GSE1: variants seen among roughly 807,000 people sequenced by gnomAD.
The protein encoded by GSE1 is Gse1 coiled-coil protein.
In GSE1, 32 loss-of-function variants were observed where a neutral mutation model predicts 112.6. The observed-to-expected ratio is 0.28, with a 90% CI of 0.21 to 0.38. GSE1 has a LOEUF of 0.38. Ranked by LOEUF, GSE1 falls within the 10% of genes least tolerant of loss-of-function variation. The pLI is 1.00. For missense variants in GSE1, 2,348 were observed against 1,699.2 expected (o/e 1.38, Z -6.71); for synonymous variants, 1,115 against 735.6 (o/e 1.52, Z -8.35).
chr16:85,186,076 A>T (rs1567596862), intron 1 of GSE1, among the ~76,000 whole-genome samples: 1 of 152,166 alleles, frequency 6.6e-6, no homozygotes, highest in Admixed American at 6.5e-5. Flanking sequence ...CACCACTGAT[A>T]CTGTTCTATG....
intron 1 of GSE1, among the ~76,000 whole-genome samples, chr16:85,601,570 C>T (rs1016997947): frequency 2.6e-5 from 4 of 152,128 alleles, no homozygotes; most frequent in East Asian, 3.9e-4. Flanking sequence ...ACCTTCAGCG[C>T]GGGGCCGGCA....
At chr16:85,334,372 TG>T (rs1222590021) in intron 1 of GSE1, among the ~76,000 whole-genome samples, 2 of 152,296 alleles carry the variant, frequency 1.3e-5, no homozygotes, top group South Asian at 2.1e-4. Context: ...AGGGCCTGCA[TG>T]GGGGAGCTGC....
chr16:85,173,430 T>C (rs2074398204), intron 1 of GSE1, among the ~76,000 whole-genome samples: 1 of 152,226 alleles, frequency 6.6e-6, no homozygotes, highest in Non-Finnish European at 1.5e-5. Context: ...TTCAATGGAT[T>C]GGGGGAAATG....
chr16:85,442,326 G>T (rs1239765442), intron 2 of GSE1, among the ~76,000 whole-genome samples: 1 of 152,126 alleles, frequency 6.6e-6, no homozygotes, highest in Admixed American at 6.6e-5. Context: ...TACCGTCCTG[G>T]CCCCATCTCA....
At chr16:85,443,981 G>A (rs902876948) in intron 2 of GSE1, among the ~76,000 whole-genome samples, 9 of 66,890 alleles carry the variant, frequency 1.3e-4, no homozygotes, top group Non-Finnish European at 2.0e-4. Flanking sequence ...ACAAGGGGGC[G>A]CTTTTTTTTT....
At chr16:85,414,793 CCTGA>C (rs1407278494) in intron 2 of GSE1, among the ~76,000 whole-genome samples, 4 of 152,108 alleles carry the variant, frequency 2.6e-5, no homozygotes, top group Non-Finnish European at 5.9e-5. Context: ...TGCCACCATG[CCTGA>C]CTAATTTTTT....
intron 1 of GSE1, among the ~76,000 whole-genome samples, chr16:85,209,425 G>C (rs1005586039): frequency 4.6e-5 from 7 of 152,122 alleles, no homozygotes; most frequent in Admixed American, 2.6e-4. Context: ...GCATGCAGAG[G>C]AACCTGCCGC....
At chr16:85,613,034 C>T (rs1273766045), upstream of GSE1, 2 of 347,572 alleles carry the variant, frequency 5.8e-6, no homozygotes, top group African/African-American at 2.2e-5. Context: ...GTGTCCCCGG[C>T]TCACCTGGCC....
upstream of GSE1, among the ~76,000 whole-genome samples, chr16:85,606,802 G>A (rs557098625): frequency 2.6e-5 from 4 of 152,350 alleles, 1 homozygote; most frequent in South Asian, 8.3e-4. Context: ...CAGTAACAGG[G>A]CAAGGGGTAT....
At chr16:85,219,986 A>G (rs1460665870) in intron 1 of GSE1, among the ~76,000 whole-genome samples, 3 of 151,986 alleles carry the variant, frequency 2.0e-5, no homozygotes, top group Non-Finnish European at 2.9e-5. Flanking sequence ...CCCTGCTGCT[A>G]TTTTCAGCTG....
At chr16:85,261,573 C>G (rs1376339817) in intron 1 of GSE1, among the ~76,000 whole-genome samples, 1 of 152,178 alleles carries the variant, frequency 6.6e-6, no homozygotes, top group Non-Finnish European at 1.5e-5. Flanking sequence ...AGGACAGGCT[C>G]AGAGTGGAGG....
rs970351862 is a variant in GSE1 at position 85,636,696 on chromosome 16, G to T, written c.226+2564G>T. 2.6e-3 allele frequency among the ~76,000 whole-genome samples: 397 copies of T among 152,328 alleles called. 1 individual carries two copies. The highest frequency in any genetic ancestry group is 8.5e-3 in the African/African-American group (352 of 41,566). On this transcript the variant is annotated intron_variant, in intron 2 of 15. Transcript: ENST00000253458. Reference sequence around the variant, plus strand: ...CTGCTGCTGGGCCTTCCCGGGGGGGGGCTGGGAGAGCCGCCGTTAGGACAG... The same window carrying T: ...CTGCTGCTGGGCCTTCCCGGGGGGGTGCTGGGAGAGCCGCCGTTAGGACAG...
intron 1 of GSE1, among the ~76,000 whole-genome samples, chr16:85,632,069 C>T (rs1171800594): frequency 1.3e-5 from 2 of 152,202 alleles, no homozygotes; most frequent in Non-Finnish European, 2.9e-5. Context: ...CCAGGCAGAG[C>T]CCCCGCCCTC....
intron 2 of GSE1, among the ~76,000 whole-genome samples, chr16:85,435,500 C>A (rs1224532066): frequency 6.6e-6 from 1 of 152,330 alleles, no homozygotes. Flanking sequence ...CAGCCCCCCG[C>A]AGCAGGTGCG....
intron 8 of GSE1, among the ~76,000 whole-genome samples, chr16:85,660,882 G>A (rs559222647): frequency 1.4e-4 from 21 of 152,118 alleles, no homozygotes; most frequent in African/African-American, 3.9e-4. Flanking sequence ...CACCCTCCTC[G>A]GCCTCCCAAA....
In GSE1 at chr16:85,654,849, C is replaced by G. The variant is rs775652875; in HGVS notation, c.655C>G (p.Leu219Val). 1.2e-6 allele frequency: 2 copies of G among 1,612,046 alleles called. No homozygotes were observed. The highest frequency in any genetic ancestry group is 8.5e-7 in the Non-Finnish European group (1 of 1,179,640). ...CCCCAGTACCGTGACCGAGGACTAC[C>G]TGAGAAGCTTCCGGCCCTACCACAC... is the stretch of plus-strand genomic sequence containing the variant. ...VPPSTVTEDYLRSFRPYHTTD... is the reference protein window; with the variant it reads ...VPPSTVTEDYVRSFRPYHTTD... Residue 219 changes from leucine (L) to valine (V), a missense_variant, in exon 5 of 16, where the codon CTG becomes GTG. By Grantham distance (32) the Leu-to-Val change is conservative. Coordinates refer to ENST00000253458, the MANE Select transcript of GSE1 (RefSeq NM_014615.5).
chr16:85,444,398 C>CAT (rs2049457079), intron 2 of GSE1, among the ~76,000 whole-genome samples: 1 of 152,188 alleles, frequency 6.6e-6, no homozygotes, highest in Non-Finnish European at 1.5e-5. Context: ...GCAGGAAGTT[C>CAT]ATAGGTGCCG....
At chr16:85,465,220 A>G (rs1429857730) in intron 2 of GSE1, among the ~76,000 whole-genome samples, 1 of 152,180 alleles carries the variant, frequency 6.6e-6, no homozygotes, top group Non-Finnish European at 1.5e-5. Context: ...GGGCTCCTCC[A>G]TGGGCTGCCC....
intron 1 of GSE1, among the ~76,000 whole-genome samples, chr16:85,183,035 C>G (rs765459224): frequency 1.3e-5 from 2 of 152,196 alleles, no homozygotes; most frequent in Non-Finnish European, 2.9e-5. Flanking sequence ...TTCATACATG[C>G]ATCACTCCCG....
Sources: allele counts gnomAD v4.1 joint callset (sites outside exome capture counted in the v4.1 genomes callset), GRCh38; gene constraint gnomAD v4.1.1; transcripts MANE v1.5; gene names NCBI Gene and HGNC (gene_info 2026-07-23, HGNC 2026-07-21).